Variants in COL4A2 observed in about 807,000 individuals in gnomAD.
The protein encoded by COL4A2 is collagen type IV alpha 2 chain, also known as collagen alpha-2(IV) chain.
Under a neutral mutation model 200.2 loss-of-function variants are expected in COL4A2, and 99 were observed. The ratio of observed to expected loss-of-function variants is 0.49; its 90% CI spans 0.42 to 0.58. The LOEUF (loss-of-function observed/expected upper bound fraction) is 0.58, where lower values mean the gene tolerates loss of function less well. Among genes scored for constraint, COL4A2 ranks in the 20% least tolerant of loss-of-function variants. The pLI is 0.00. For missense variants in COL4A2, 1,950 were observed against 2,314.1 expected, an observed-to-expected ratio of 0.84 and a Z score of 3.23; for synonymous variants, 897 against 900.6, an observed-to-expected ratio of 1.00 and a Z score of 0.07.
At chr13:110,324,745 C>T (rs1885362478) in intron 3 of COL4A2, among the ~76,000 whole-genome samples, 1 of 152,156 alleles carries the variant, frequency 6.6e-6, no homozygotes, top group South Asian at 2.1e-4. Context: ...ATTGTTTCTG[C>T]CTTGAGTGGT....
chr13:110,337,148 G>T (rs953798222), intron 3 of COL4A2, among the ~76,000 whole-genome samples: 30 of 152,242 alleles, frequency 2.0e-4, no homozygotes, highest in Non-Finnish European at 1.3e-4. Context: ...CATTCAATCC[G>T]TAAGCCTGTA....
chr13:110,347,357 C>T (rs1876752462), intron 3 of COL4A2, among the ~76,000 whole-genome samples: 1 of 152,208 alleles, frequency 6.6e-6, no homozygotes, highest in Non-Finnish European at 1.5e-5. Context: ...TGAGTTACAT[C>T]ACCAAACCCT....
intron 3 of COL4A2, among the ~76,000 whole-genome samples, chr13:110,338,823 C>G (rs1876324177): frequency 6.6e-6 from 1 of 152,242 alleles, no homozygotes. Context: ...CCAAGAACGA[C>G]TGGCTGCTGC....
Position 110,503,954 on chromosome 13 carries a change from C to T in COL4A2, c.4246C>T (p.Pro1416Ser), listed in dbSNP as rs1299518485. The T allele has an allele frequency of 4.5e-6, 7 of 1,572,856 alleles. No homozygotes were observed. Among genetic ancestry groups the T allele is most frequent in the Non-Finnish European group, 5.2e-6 (6 of 1,158,938 alleles). Residue 1416 changes from proline to serine, a missense_variant, in exon 44 of 48, where the codon CCG becomes TCG. Physicochemically the swap from Pro to Ser is moderately conservative, Grantham distance 74. Transcript: ENST00000360467. ...PQGRRGPPGA[P>S]GEMGPQGPPG... ...GGGGAGGCGAGGCCCCCCTGGGGCA[C>T]CGGGGGAGATGGGGCCCCAGGGCCC...
chr13:110,325,269 C>T (rs1885377551), intron 3 of COL4A2, among the ~76,000 whole-genome samples: 1 of 152,084 alleles, frequency 6.6e-6, no homozygotes, highest in Admixed American at 6.6e-5. Context: ...GAGAGTTTAC[C>T]CGAAGATTTT....
At chr13:110,390,622 C>A (rs1878950460) in intron 4 of COL4A2, among the ~76,000 whole-genome samples, 1 of 152,242 alleles carries the variant, frequency 6.6e-6, no homozygotes, top group South Asian at 2.1e-4. Flanking sequence ...TTCCATAGGG[C>A]AGCTGGAAAC....
intron 29 of COL4A2, among the ~76,000 whole-genome samples, chr13:110,474,270 G>A (rs998790968): frequency 9.2e-5 from 14 of 152,228 alleles, no homozygotes; most frequent in South Asian, 2.1e-4. Context: ...AGCAGGTGTC[G>A]CTCCCCTGAT....
chr13:110,367,712 A>G (rs561853660), intron 4 of COL4A2, among the ~76,000 whole-genome samples: 1 of 152,376 alleles, frequency 6.6e-6, no homozygotes, highest in East Asian at 1.9e-4. Flanking sequence ...AGTTTCCACT[A>G]ATTTAGAGCA....
At chr13:110,387,902 T>C (rs1878825364) in intron 4 of COL4A2, among the ~76,000 whole-genome samples, 1 of 152,204 alleles carries the variant, frequency 6.6e-6, no homozygotes, top group Non-Finnish European at 1.5e-5. Flanking sequence ...GTTCGGTGTG[T>C]GTTAAAGAAG....
At chr13:110,381,496 T>C (rs1878491609) in intron 4 of COL4A2, among the ~76,000 whole-genome samples, 2 of 152,368 alleles carry the variant, frequency 1.3e-5, no homozygotes, top group South Asian at 2.1e-4. Flanking sequence ...CCACCAGATA[T>C]CAACTTAGGC....
chr13:110,510,131 C>T lies in COL4A2; in HGVS notation c.4882-1803C>T, dbSNP rs77702340. ...AGGACAGCTTGGCTGAGAGCAACTG[C>T]CCCACCGTCCCCAGTGGGTACGCAG... On this transcript the variant is annotated intron_variant, in intron 47 of 47. Transcript: ENST00000360467. 1.5e-3 allele frequency among the ~76,000 whole-genome samples: 222 copies of T among 152,362 alleles called. 1 individual carries two copies. The highest frequency in any genetic ancestry group is 4.9e-3 in the African/African-American group (204 of 41,582).
chr13:110,362,580 C>T (rs1877567032), intron 4 of COL4A2, among the ~76,000 whole-genome samples: 1 of 152,138 alleles, frequency 6.6e-6, no homozygotes, highest in African/African-American at 2.4e-5. Flanking sequence ...CTCAGCCTCC[C>T]AAACTTCTGG....
At chr13:110,364,322 A>G (rs946662062) in intron 4 of COL4A2, among the ~76,000 whole-genome samples, 1 of 152,198 alleles carries the variant, frequency 6.6e-6, no homozygotes, top group African/African-American at 2.4e-5. Flanking sequence ...CCAGCGCTGC[A>G]GGGGCTGTGG....
chr13:110,393,197 G>A lies in COL4A2; in HGVS notation c.181-31537G>A, dbSNP rs1262561623. ...AGTTCATCTCATGTGCTTTTCTTTT[G>A]TAAGGTAAAATTGAGCTCTTTCTTT... On this transcript the variant is annotated intron_variant, in intron 4 of 47. Transcript: ENST00000360467. Among the ~76,000 whole-genome samples, 5 of 152,268 alleles carry A rather than the reference G, an allele frequency of 3.3e-5. No homozygotes were observed. In the South Asian group the frequency reaches 8.3e-4, roughly 25 times the overall value.
chr13:110,490,923 G>T (rs201020404), intron 36 of COL4A2, among the ~76,000 whole-genome samples: 1 of 152,146 alleles, frequency 6.6e-6, no homozygotes, highest in Non-Finnish European at 1.5e-5. Flanking sequence ...ACCAGAAGAC[G>T]GTATTTCGGA....
At chr13:110,444,657 C>G (rs1227352031) in intron 16 of COL4A2, among the ~76,000 whole-genome samples, 1 of 152,160 alleles carries the variant, frequency 6.6e-6, no homozygotes, top group Non-Finnish European at 1.5e-5. Flanking sequence ...GAGAATGGAC[C>G]TTTCTTATAC....
At chr13:110,447,616 T>C (rs1384146611) in intron 18 of COL4A2, among the ~76,000 whole-genome samples, 1 of 152,210 alleles carries the variant, frequency 6.6e-6, no homozygotes, top group Non-Finnish European at 1.5e-5. Flanking sequence ...TATATATCTT[T>C]GCGGATCATT....
At chr13:110,494,099 A>G (rs1307987064) in intron 39 of COL4A2, among the ~76,000 whole-genome samples, 3 of 152,340 alleles carry the variant, frequency 2.0e-5, no homozygotes, top group Non-Finnish European at 2.9e-5. Flanking sequence ...AACAACTTTC[A>G]TAGCACTTTC....
chr13:110,387,250 A>G (rs577543019), intron 4 of COL4A2, among the ~76,000 whole-genome samples: 1 of 152,054 alleles, frequency 6.6e-6, no homozygotes, highest in South Asian at 2.1e-4. Context: ...AATAAGTAAT[A>G]ATAATAAAAA....
Sources: gnomAD v4.1 joint callset for allele counts (sites outside exome capture counted in the v4.1 genomes callset) on GRCh38, gnomAD v4.1.1 for gene constraint, MANE v1.5 for transcripts, NCBI Gene and HGNC (gene_info 2026-07-23, HGNC 2026-07-21) for gene names.